BRSK1: variants seen among roughly 807,000 people sequenced by gnomAD.
BRSK1 encodes the protein BR serine/threonine kinase 1, also known as serine/threonine-protein kinase BRSK1.
A neutral mutation model predicts 86.2 loss-of-function variants in BRSK1; 17 were observed. The observed-to-expected ratio is 0.20, with a 90% CI of 0.14 to 0.30. The LOEUF is 0.30. Ranked by LOEUF, BRSK1 falls within the 10% of genes least tolerant of loss-of-function variation. The pLI, the probability that BRSK1 is intolerant of heterozygous loss-of-function variation, is 1.00. For missense variants in BRSK1, 719 were observed against 1,071.9 expected, an observed-to-expected ratio of 0.67 and a Z score of 4.60; for synonymous variants, 464 against 440.1, an observed-to-expected ratio of 1.05 and a Z score of -0.68.
chr19:55,304,713 G>A lies in BRSK1; in HGVS notation c.1510G>A (p.Gly504Ser), dbSNP rs1487246223. The change falls in exon 14 of 19, where the codon GGC becomes AGC. Residue 504 changes from glycine (G) to serine (S), a missense_variant. By Grantham distance (56) the Gly-to-Ser change is moderately conservative. Transcript: ENST00000309383. This position sits in a 1 kb window ranked among gnomAD's most constrained non-coding sequence, Gnocchi z 5.2. Reference protein sequence around the residue: ...PPSARSTPLPGPPGSPRSSGG... With the variant: ...PPSARSTPLPSPPGSPRSSGG... ...CAGTGCCCGCTCCACACCCCTGCCC[G>A]GCCCCCCAGGCTCCCCGCGCTCCTC... The A allele has an allele frequency of 1.4e-6, 2 of 1,449,098 alleles. No individual in the cohort carries two copies. Among genetic ancestry groups the A allele is most frequent in the South Asian group, 1.3e-5 (1 of 76,562 alleles). The allele number at this position is 1,449,098 out of a possible 1,614,324, so 89.8% of individuals were successfully genotyped here. A position where few individuals can be genotyped will look rare whatever the true frequency, so the allele number is the denominator to read the frequency against.
At position 55,312,180 on chromosome 19, in the gene BRSK1, A is replaced by C; in HGVS notation, c.*112A>C. 2.1e-5 allele frequency: 11 copies of C among 533,882 alleles called. No individual in the cohort carries two copies. The highest frequency in any genetic ancestry group is 3.8e-5 in the Admixed American group (1 of 26,292). 33.1% of individuals were successfully genotyped at this position (533,882 alleles called of 1,614,324 possible). On this transcript the variant is annotated 3_prime_UTR_variant, in exon 19 of 19. Coordinates refer to ENST00000309383, the MANE Select transcript of BRSK1 (RefSeq NM_032430.2). ...CATGTCGGGAGGGGGGTGGACACAAAAACCGGCCTTGCCCTGCAGGGATGG... is the reference window on the plus strand; with the variant it reads ...CATGTCGGGAGGGGGGTGGACACAACAACCGGCCTTGCCCTGCAGGGATGG...
At position 55,303,140 on chromosome 19, in the gene BRSK1, G is replaced by C. The variant is rs1364767609; in HGVS notation, c.1029-171G>C. On this transcript the variant is annotated intron_variant, in intron 10 of 18. Transcript: ENST00000309383. The surrounding 1 kb of genome is among the most constrained non-coding windows in gnomAD (Gnocchi z 5.1). Reference sequence around the variant, plus strand: ...GGTGTTACAGTGTTATTATAATTGAGTGAAACACAGCTGAGATGTACCCTA... The same window carrying C: ...GGTGTTACAGTGTTATTATAATTGACTGAAACACAGCTGAGATGTACCCTA... 2 of 647,290 alleles carry C rather than the reference G, an allele frequency of 3.1e-6. No homozygotes were observed. Among genetic ancestry groups the C allele is most frequent in the Non-Finnish European group, 5.3e-6 (2 of 377,660 alleles). 40.1% of individuals were successfully genotyped at this position (647,290 alleles called of 1,614,324 possible). A position where few individuals can be genotyped will look rare whatever the true frequency, so the allele number is the denominator to read the frequency against.
chr19:55,293,491 G>A (rs111484000), intron 4 of BRSK1, among the ~76,000 whole-genome samples: 2,945 of 151,074 alleles, frequency 0.019, 62 homozygotes, highest in African/African-American at 0.06. Context: ...GATAGAATGA[G>A]ACTCCATCTC....
At chr19:55,285,217 G>A (rs1246749239) in intron 1 of BRSK1, among the ~76,000 whole-genome samples, 4 of 149,796 alleles carry the variant, frequency 2.7e-5, no homozygotes, top group African/African-American at 9.7e-5. Context: ...GAGGGAGGAG[G>A]GGCAGGGGTG....
Position 55,303,403 on chromosome 19 carries a change from A to T in BRSK1, c.1121A>T (p.Asp374Val). ...GACCAGGACCTGCCTCCCCGGAATG[A>T]TGTTGGTGAGAAGGCAGGGCTAGGG... ...CEDQDLPPRN[D>V]VDPPRKRVDS... The change falls in exon 11 of 19, where the codon GAT (aspartate) becomes GTT (valine). Residue 374 changes from aspartate (D) to valine (V), a missense_variant. This residue lies in a region of BRSK1 where 168 missense variants were observed against 246.3 expected (regional missense o/e 0.68). Coordinates refer to ENST00000309383, the MANE Select transcript of BRSK1 (RefSeq NM_032430.2). The surrounding 1 kb of genome is among the most constrained non-coding windows in gnomAD (Gnocchi z 5.1). 1.9e-6 allele frequency: 3 copies of T among 1,613,634 alleles called. No individual in the cohort carries two copies. The highest frequency in any genetic ancestry group is 1.7e-6 in the Non-Finnish European group (2 of 1,179,754).
At chr19:55,309,773 A>G (rs960209116) in intron 18 of BRSK1, among the ~76,000 whole-genome samples, 2 of 152,244 alleles carry the variant, frequency 1.3e-5, no homozygotes. Context: ...CGCCCAAGCA[A>G]CCAGAGGTAG....
In BRSK1 at chr19:55,302,016, G is replaced by GC; in HGVS notation, c.826-116dup. Reference sequence around the variant, plus strand: ...AGAGGGCGATGTAATATGTCATCCTGCCCCCGGTGGGGTGGGCGGGGAGAT... The same window carrying GC: ...AGAGGGCGATGTAATATGTCATCCTGCCCCCCGGTGGGGTGGGCGGGGAGAT... On this transcript the variant is annotated intron_variant, in intron 8 of 18. Transcript: ENST00000309383. This position sits in a 1 kb window ranked among gnomAD's most constrained non-coding sequence, Gnocchi z 6.3. 8.6e-7 allele frequency: 1 copy of GC among 1,160,664 alleles called. No homozygotes were observed. The highest frequency in any genetic ancestry group is 1.3e-6 in the Non-Finnish European group (1 of 770,100). 71.9% of individuals were successfully genotyped at this position (1,160,664 alleles called of 1,614,324 possible).
At chr19:55,290,512 A>AT (rs2088387804) in intron 4 of BRSK1, among the ~76,000 whole-genome samples, 1 of 152,154 alleles carries the variant, frequency 6.6e-6, no homozygotes, top group Non-Finnish European at 1.5e-5. Flanking sequence ...ATCAGTATAC[A>AT]TTTTTAAATT....
At chr19:55,292,944 G>C (rs1180315742) in intron 4 of BRSK1, among the ~76,000 whole-genome samples, 1 of 152,120 alleles carries the variant, frequency 6.6e-6, no homozygotes, top group African/African-American at 2.4e-5. Context: ...GGAGGTCAAG[G>C]CTGCAGTGAG....
rs554335786 is a variant in BRSK1 at position 55,304,823 on chromosome 19, C to T, written c.1620C>T (p.Pro540=). ...CGGGGACAACACCACCCCCCAGCCC[C>T]GGCGGTGGCGTCGGGGGAGCCGCCT... The part of the protein sequence containing the change: ...GTPGTTPPPS[P]GGGVGGAAWR... The change falls in exon 14 of 19, where the codon CCC becomes CCT. Residue 540 remains proline (P), a synonymous_variant. Transcript: ENST00000309383. The surrounding 1 kb of genome is among the most constrained non-coding windows in gnomAD (Gnocchi z 5.2). 1.1e-5 allele frequency: 17 copies of T among 1,587,848 alleles called. No individual in the cohort carries two copies. The African/African-American group carries it at 1.3e-4, about 13-fold the overall frequency.
In BRSK1 at chr19:55,294,475, C is replaced by A; in HGVS notation, c.678+78C>A. 1 of 1,444,418 alleles carries A rather than the reference C, an allele frequency of 6.9e-7. No homozygotes were observed. The highest frequency in any genetic ancestry group is 9.5e-7 in the Non-Finnish European group (1 of 1,047,570). The allele number at this position is 1,444,418 out of a possible 1,614,324, so 89.5% of individuals were successfully genotyped here. On this transcript the variant is annotated intron_variant, in intron 7 of 18. Transcript: ENST00000309383. The surrounding 1 kb of genome is among the most constrained non-coding windows in gnomAD (Gnocchi z 4.9). ...AGCATAGGACAGTACCTTCCATCCT[C>A]AGGTCATCTCCTGAATTTATTTATG...
At position 55,304,673 on chromosome 19, in the gene BRSK1, G is replaced by A; in HGVS notation, c.1470G>A (p.Glu490=). The change falls in exon 14 of 19, where the codon GAG becomes GAA. Residue 490 remains glutamate (E), a synonymous_variant. Transcript: ENST00000309383. This position sits in a 1 kb window ranked among gnomAD's most constrained non-coding sequence, Gnocchi z 5.2. ...GCCCCAGGGGTGGGGGCGCCGGGGA[G>A]CAGCCCCCGCCCCCCAGTGCCCGCT... The part of the protein sequence containing the change: ...SRGPRGGGAG[E]QPPPPSARST... The A allele has an allele frequency of 2.0e-6, 3 of 1,487,686 alleles. No homozygotes were observed. The highest frequency in any genetic ancestry group is 2.9e-5 in the African/African-American group (2 of 69,924). The allele number at this position is 1,487,686 out of a possible 1,614,324, so 92.2% of individuals were successfully genotyped here.
chr19:55,308,487 C>T, intron 17 of BRSK1, 152 bp from the exon 18 acceptor site: 1 of 650,122 alleles, frequency 1.5e-6, no homozygotes, highest in Non-Finnish European at 2.9e-6. Flanking sequence ...CATTTGCAAA[C>T]CGTGGATTGA....
At position 55,284,335 on chromosome 19, in the gene BRSK1, C is replaced by T; in HGVS notation, c.-108C>T. On this transcript the variant is annotated 5_prime_UTR_variant, in exon 1 of 19. Coordinates refer to ENST00000309383, the MANE Select transcript of BRSK1 (RefSeq NM_032430.2). ...TGGGGACCCCCGGAGAGGTGGGGGG[C>T]AGCCGGGGGGGCCGGGACGGAGCGG... 1.1e-6 allele frequency: 1 copy of T among 887,116 alleles called. No homozygotes were observed. The highest frequency in any genetic ancestry group is 5.6e-5 in the South Asian group (1 of 17,804). The allele number at this position is 887,116 out of a possible 1,614,324, so 55.0% of individuals were successfully genotyped here.
In BRSK1 at chr19:55,303,615, A is replaced by G. The variant is rs2088603957; in HGVS notation, c.1127-52A>G. On this transcript the variant is annotated intron_variant, in intron 11 of 18. Transcript: ENST00000309383. This position sits in a 1 kb window ranked among gnomAD's most constrained non-coding sequence, Gnocchi z 5.1. ...TGTGTGCAGTTTCTGAGGCAGTTGT[A>G]CACAGCTGGGTGAAACCATCTCTTG... 2 of 1,562,612 alleles carry G rather than the reference A, an allele frequency of 1.3e-6. No individual in the cohort carries two copies. Among genetic ancestry groups the G allele is most frequent in the South Asian group, 1.2e-5 (1 of 83,138 alleles).
In BRSK1 at chr19:55,303,810, G is replaced by A; in HGVS notation, c.1270G>A (p.Ala424Thr). The part of the protein sequence containing the change: ...PVPTRRALEM[A>T]QHSQRSRSVS... Reference sequence around the variant, plus strand: ...ACCCACCCGACGGGCCTTGGAGATGGCCCAGCACAGCCAGAGGTGGGAGCC... The same window carrying A: ...ACCCACCCGACGGGCCTTGGAGATGACCCAGCACAGCCAGAGGTGGGAGCC... The change falls in exon 12 of 19, where the codon GCC becomes ACC. Residue 424 changes from alanine (A) to threonine (T), a missense_variant. By Grantham distance (58) the Ala-to-Thr change is moderately conservative. Coordinates refer to ENST00000309383, the MANE Select transcript of BRSK1 (RefSeq NM_032430.2). The surrounding 1 kb of genome is among the most constrained non-coding windows in gnomAD (Gnocchi z 5.1). The A allele has an allele frequency of 1.3e-6, 2 of 1,580,560 alleles. No homozygotes were observed. The highest frequency in any genetic ancestry group is 1.2e-5 in the South Asian group (1 of 86,082).
At position 55,304,572 on chromosome 19, in the gene BRSK1, C is replaced by A. The variant is rs1444751352; in HGVS notation, c.1369C>A (p.Pro457Thr). Residue 457 changes from proline (P) to threonine (T), a missense_variant, in exon 14 of 19, where the codon CCG becomes ACG. Transcript: ENST00000309383. This position sits in a 1 kb window ranked among gnomAD's most constrained non-coding sequence, Gnocchi z 5.2. Reference protein sequence around the residue: ...SPRSPVFSFSPEPGAGDEARG... With the variant: ...SPRSPVFSFSTEPGAGDEARG... ...GCAGAGTCCGGTCTTTTCCTTTTCA[C>A]CGGAGCCGGGGGCTGGAGATGAGGC... The A allele has an allele frequency of 6.3e-7, 1 of 1,585,572 alleles. No individual in the cohort carries two copies. Among genetic ancestry groups the A allele is most frequent in the Non-Finnish European group, 8.6e-7 (1 of 1,168,158 alleles).
rs371983341 is a variant in BRSK1, at chr19:55,304,941, G to A, written c.1717+21G>A. 6 of 1,602,262 alleles carry A rather than the reference G, an allele frequency of 3.7e-6. No individual in the cohort carries two copies. The highest frequency in any genetic ancestry group is 1.1e-5 in the South Asian group (1 of 90,852). On this transcript the variant is annotated intron_variant, in intron 14 of 18. Coordinates refer to ENST00000309383, the MANE Select transcript of BRSK1 (RefSeq NM_032430.2). This position sits in a 1 kb window ranked among gnomAD's most constrained non-coding sequence, Gnocchi z 5.2. Reference sequence around the variant, plus strand: ...GCAGGGTATGGGGGCATGAACTGCCGAGTCCTAATGTGGGGAGAGGTTGGG... The same window carrying A: ...GCAGGGTATGGGGGCATGAACTGCCAAGTCCTAATGTGGGGAGAGGTTGGG...
rs770450285 is a variant in BRSK1, at chr19:55,302,700, C to T, written c.861C>T (p.Gly287=). The part of the protein sequence containing the change: ...EQIQKHPWYL[G]GKHEPDPCLE... Reference sequence around the variant, plus strand: ...TAATGTTTCTCCACTTCCCCAGAGGCGGGAAACACGAGCCAGACCCGTGCC... The same window carrying T: ...TAATGTTTCTCCACTTCCCCAGAGGTGGGAAACACGAGCCAGACCCGTGCC... The change falls in exon 10 of 19, where the codon GGC becomes GGT. Residue 287 remains glycine (G), a synonymous_variant. Coordinates refer to ENST00000309383, the MANE Select transcript of BRSK1 (RefSeq NM_032430.2). The surrounding 1 kb of genome is among the most constrained non-coding windows in gnomAD (Gnocchi z 6.3). 5.6e-6 allele frequency: 9 copies of T among 1,603,000 alleles called. No individual in the cohort carries two copies. Among genetic ancestry groups the T allele is most frequent in the South Asian group, 3.3e-5 (3 of 90,754 alleles).
Sources: gnomAD v4.1 joint callset for allele counts (sites outside exome capture counted in the v4.1 genomes callset) on GRCh38, gnomAD v4.1.1 for gene constraint, gnomAD v4.1.1 regional missense constraint, Gnocchi (gnomAD v3.1) non-coding constraint, MANE v1.5 for transcripts, NCBI Gene and HGNC (gene_info 2026-07-23, HGNC 2026-07-21) for gene names.